The following CELF2 variants were observed in gnomAD, a reference collection of about 807,000 sequenced individuals.
CELF2 encodes CUG triplet repeat RNA-binding protein 2.
CELF2 carries 8 observed loss-of-function variants against 62.6 expected under a neutral mutation model. That is an observed-to-expected ratio of 0.13 (90% CI 0.07 to 0.23). The LOEUF is 0.23. Among genes scored for constraint, CELF2 ranks in the 10% least tolerant of loss-of-function variants. CELF2 has a pLI of 1.00. For missense variants in CELF2, 333 were observed against 671.0 expected (o/e 0.50, Z 5.56); for synonymous variants, 258 against 250.0 (o/e 1.03, Z -0.30).
At chr10:10,835,909 G>A (rs1478828830) in intron 1 of CELF2, among the ~76,000 whole-genome samples, 1 of 152,148 alleles carries the variant, frequency 6.6e-6, no homozygotes, top group Non-Finnish European at 1.5e-5. Flanking sequence ...CTGACTTTAA[G>A]GTTTCTGTAC....
intron 1 of CELF2, among the ~76,000 whole-genome samples, chr10:10,859,333 T>C (rs2059927205): frequency 6.6e-6 from 1 of 152,156 alleles, no homozygotes; most frequent in African/African-American, 2.4e-5. Flanking sequence ...TAATCAAAAG[T>C]GATTCATTAG....
chr10:10,498,684 A>G, the CELF2 span, among the ~76,000 whole-genome samples: 10 of 152,212 alleles, frequency 6.6e-5, no homozygotes, highest in Non-Finnish European at 1.2e-4. Flanking sequence ...ACAGAGTCAC[A>G]TTGCTGAAAA....
chr10:10,486,054 G>C, the CELF2 span, among the ~76,000 whole-genome samples: 1 of 152,120 alleles, frequency 6.6e-6, no homozygotes, highest in East Asian at 1.9e-4. Context: ...TGGAAACATA[G>C]AATAATGGCA....
intron 2 of CELF2, among the ~76,000 whole-genome samples, chr10:10,954,211 T>TTTTTTA (rs1476304018): frequency 1.5e-5 from 2 of 137,302 alleles, no homozygotes; most frequent in African/African-American, 2.7e-5. Flanking sequence ...TGGCAATTTA[T>TTTTTTA]TTATTATTAT....
At position 11,306,141 on chromosome 10, in the gene CELF2, C is replaced by T. The variant is rs2094191009; in HGVS notation, c.977-7998C>T. The stretch of plus-strand genomic sequence containing the variant: ...GCCACTGTGCGAGCAAGGTGAGGTG[C>T]ACTTTGCAGCCTCCGTCTGGGATCC... On this transcript the variant is annotated intron_variant, in intron 9 of 12. Coordinates refer to ENST00000633077, the MANE Select transcript of CELF2 (RefSeq NM_001326342.2). This position sits in a 1 kb window ranked among gnomAD's most constrained non-coding sequence, Gnocchi z 4.4. Among the ~76,000 whole-genome samples, 1 of 152,122 alleles carries T rather than the reference C, an allele frequency of 6.6e-6. No individual in the cohort carries two copies. Among genetic ancestry groups the T allele is most frequent in the Admixed American group, 6.5e-5 (1 of 15,280 alleles).
At chr10:10,577,392 T>TTATTATTATTAC in the CELF2 span, among the ~76,000 whole-genome samples, 13 of 150,578 alleles carry the variant, frequency 8.6e-5, no homozygotes, top group East Asian at 2.1e-3. Flanking sequence ...ATTATTATTA[T>TTATTATTATTAC]TATACTTTAA....
intron 3 of CELF2, among the ~76,000 whole-genome samples, chr10:11,225,238 G>T (rs749723712): frequency 1.3e-5 from 2 of 151,982 alleles, no homozygotes; most frequent in Non-Finnish European, 1.5e-5. Flanking sequence ...TGTGACAAAG[G>T]CTCTCTTTCA....
chr10:11,187,162 G>A (rs1379968335), intron 2 of CELF2, among the ~76,000 whole-genome samples: 1 of 152,126 alleles, frequency 6.6e-6, no homozygotes, highest in Non-Finnish European at 1.5e-5. Context: ...TCGTGTATTT[G>A]TGTATTTCTC....
intron 1 of CELF2, among the ~76,000 whole-genome samples, chr10:10,799,526 T>G (rs2054433441): frequency 6.6e-6 from 1 of 151,998 alleles, no homozygotes; most frequent in African/African-American, 2.4e-5. Context: ...AGCGAACTTT[T>G]CCAGAAAGCC....
intron 1 of CELF2, among the ~76,000 whole-genome samples, chr10:11,028,398 G>A (rs1053778460): frequency 6.7e-6 from 1 of 148,806 alleles, no homozygotes; most frequent in African/African-American, 2.5e-5. Context: ...TTAAGGAAAC[G>A]ATTTTTTCTT....
chr10:11,190,775 TAAAAAAAAAAAA>T lies in CELF2; in HGVS notation c.271+25110_271+25121del, dbSNP rs11301213. On this transcript the variant is annotated intron_variant, in intron 2 of 12. Transcript: ENST00000633077. ...GGCTGGGTTTTGTATCTCTTTTCTT[TAAAAAAAAAAAA>T]AAAAAAAAAAAAAAAAGCCATTGAA... Among the ~76,000 whole-genome samples, 29 of 53,984 alleles carry T rather than the reference TAAAAAAAAAAAA, an allele frequency of 5.4e-4. 2 individuals are homozygous for T. In the South Asian group the frequency reaches 0.012, roughly 22 times the overall value. The allele number at this position is 53,984 out of a possible 152,430, so 35.4% of individuals were successfully genotyped here. A position where few individuals can be genotyped will look rare whatever the true frequency, so the allele number is the denominator to read the frequency against.
In CELF2 at chr10:11,331,722, G is replaced by GTATA. The variant is rs2096025935; in HGVS notation, c.*2670_*2673dup. 1 of 152,456 alleles carries GTATA rather than the reference G, an allele frequency of 6.6e-6. No homozygotes were observed. Among genetic ancestry groups the GTATA allele is most frequent in the Admixed American group, 6.6e-5 (1 of 15,262 alleles). The allele number at this position is 152,456 out of a possible 1,614,324, so 9.4% of individuals were successfully genotyped here. A position where few individuals can be genotyped will look rare whatever the true frequency, so the allele number is the denominator to read the frequency against. ...TCTCTGATGTTTTTTGTAAGACATT[G>GTATA]TATAAGTGCCCATGTCCCACTTTTT... On this transcript the variant is annotated 3_prime_UTR_variant, in exon 13 of 13. Coordinates refer to ENST00000633077, the MANE Select transcript of CELF2 (RefSeq NM_001326342.2).
chr10:10,753,285 C>T, the CELF2 span, among the ~76,000 whole-genome samples: 1 of 133,408 alleles, frequency 7.5e-6, no homozygotes, highest in African/African-American at 2.9e-5. Flanking sequence ...AAATGAATTC[C>T]AATTTCCAAA....
At chr10:10,783,528 C>T in the CELF2 span, among the ~76,000 whole-genome samples, 2 of 152,292 alleles carry the variant, frequency 1.3e-5, no homozygotes, top group South Asian at 4.1e-4. Context: ...AAGTATGAGA[C>T]AATAAAATTC....
intron 1 of CELF2, among the ~76,000 whole-genome samples, chr10:11,095,725 A>G (rs545655814): frequency 5.9e-5 from 9 of 152,326 alleles, no homozygotes; most frequent in African/African-American, 2.2e-4. Flanking sequence ...GCAGGCACGC[A>G]GTGCTCCCCA....
intron 2 of CELF2, among the ~76,000 whole-genome samples, chr10:10,992,559 G>C (rs891079121): frequency 1.3e-5 from 2 of 152,140 alleles, no homozygotes; most frequent in Admixed American, 1.3e-4. Context: ...CACAAAATTT[G>C]TGCCAATGAA....
chr10:11,183,969 T>C (rs1016253839), intron 2 of CELF2, among the ~76,000 whole-genome samples: 3 of 152,250 alleles, frequency 2.0e-5, no homozygotes, highest in African/African-American at 7.2e-5. Context: ...CTTTGGGTTT[T>C]ATATCAAAGA....
intron 1 of CELF2, among the ~76,000 whole-genome samples, chr10:11,129,117 C>G (rs1343971573): frequency 6.6e-6 from 1 of 152,134 alleles, no homozygotes; most frequent in Non-Finnish European, 1.5e-5. Flanking sequence ...AAGGCCTATT[C>G]TGCATCTATT....
At chr10:10,701,388 T>C in the CELF2 span, among the ~76,000 whole-genome samples, 9 of 152,358 alleles carry the variant, frequency 5.9e-5, no homozygotes, top group South Asian at 1.7e-3. Flanking sequence ...TGCAGGTTTC[T>C]TTGTTCACTT....
Sources: gnomAD v4.1 joint callset for allele counts (sites outside exome capture counted in the v4.1 genomes callset) on GRCh38, gnomAD v4.1.1 for gene constraint, Gnocchi (gnomAD v3.1) non-coding constraint, MANE v1.5 for transcripts, NCBI Gene and HGNC (gene_info 2026-07-23, HGNC 2026-07-21) for gene names.